Variants in MSRB3 observed in about 807,000 individuals in gnomAD.
MSRB3 encodes methionine-R-sulfoxide reductase B3.
A neutral mutation model predicts 21.0 loss-of-function variants in MSRB3; 13 were observed. The observed-to-expected ratio is 0.62, with a 90% CI of 0.40 to 0.98. The LOEUF (loss-of-function observed/expected upper bound fraction) is 0.98, where lower values mean the gene tolerates loss of function less well. Among genes scored for constraint, MSRB3 ranks in the 50% least tolerant of loss-of-function variants. The pLI is 0.00. For synonymous variants in MSRB3, 87 were observed against 88.6 expected (o/e 0.98, Z 0.10); for missense variants, 199 against 230.3 (o/e 0.86, Z 0.88).
chr12:65,446,640 G>A (rs554614010), intron 5 of MSRB3, among the ~76,000 whole-genome samples: 1 of 152,256 alleles, frequency 6.6e-6, no homozygotes, highest in South Asian at 2.1e-4. Flanking sequence ...AAGAGGAGGA[G>A]TAGGAGGAGT....
At chr12:65,375,474 A>G (rs12302075) in intron 5 of MSRB3, among the ~76,000 whole-genome samples, 6,697 of 151,898 alleles carry the variant, frequency 0.044, 495 homozygotes, top group African/African-American at 0.15. Flanking sequence ...CAGGGTCTCT[A>G]TTGCCCAGGC....
chr12:65,308,678 A>G (rs768610003), intron 2 of MSRB3, 23 bp downstream of exon 2: 2 of 1,613,840 alleles, frequency 1.2e-6, no homozygotes, highest in South Asian at 1.1e-5. Flanking sequence ...TGTACTGTAC[A>G]TAGTGAAGGC....
At chr12:65,394,629 C>A (rs10784449) in intron 5 of MSRB3, among the ~76,000 whole-genome samples, 2 of 151,996 alleles carry the variant, frequency 1.3e-5, no homozygotes, top group East Asian at 1.9e-4. Flanking sequence ...ATCCAGACAA[C>A]GATCACAAGG....
intron 5 of MSRB3, among the ~76,000 whole-genome samples, chr12:65,422,409 TATATATATATATATA>T (rs1881359248): frequency 2.7e-5 from 1 of 37,262 alleles, no homozygotes; most frequent in Admixed American, 2.7e-4. Context: ...TATATATATA[TATATATATATATATA>T]TATATATTTA....
chr12:65,393,461 G>A (rs984858250), intron 5 of MSRB3, among the ~76,000 whole-genome samples: 15 of 151,806 alleles, frequency 9.9e-5, no homozygotes, highest in Non-Finnish European at 1.3e-4. Context: ...GTGAAACACC[G>A]TCTCTACCAA....
chr12:65,317,859 T>C (rs1187904329), intron 2 of MSRB3, among the ~76,000 whole-genome samples: 3 of 152,196 alleles, frequency 2.0e-5, no homozygotes, highest in African/African-American at 7.2e-5. Context: ...AAACATCTTT[T>C]AGAAAGAAGA....
intron 5 of MSRB3, among the ~76,000 whole-genome samples, chr12:65,452,094 A>C (rs1264259893): frequency 6.6e-6 from 1 of 152,166 alleles, no homozygotes; most frequent in Non-Finnish European, 1.5e-5. Flanking sequence ...CCTATTTTGA[A>C]CTCTAGAAAT....
chr12:65,456,132 A>C (rs1883081110), intron 6 of MSRB3, among the ~76,000 whole-genome samples: 1 of 152,214 alleles, frequency 6.6e-6, no homozygotes, highest in Non-Finnish European at 1.5e-5. Context: ...ATTAATTTGT[A>C]ACTTAGGTAC....
At chr12:65,326,984 C>G in intron 3 of MSRB3, 50 bp downstream of exon 3, 1 of 1,371,322 alleles carries the variant, frequency 7.3e-7, no homozygotes. Flanking sequence ...TTCTTCTCCC[C>G]CTGCCCTCTG....
At position 65,326,885 on chromosome 12, in the gene MSRB3, C is replaced by A. The variant is rs568898551; in HGVS notation, c.136C>A (p.Arg46=). ...CTTTTCCCAGCAGGAACTGAGGAAG[C>A]GGCTAACACCCCTGCAGTACCATGT... ...VVFSQQELRK[R]LTPLQYHVTQ... is the part of the protein sequence containing the mutation. The change falls in exon 3 of 7, where the codon CGG becomes AGG. Residue 46 remains arginine, a synonymous_variant. Transcript: ENST00000308259. 1 of 1,611,464 alleles carries A rather than the reference C, an allele frequency of 6.2e-7. No individual in the cohort carries two copies. The highest frequency in any genetic ancestry group is 8.5e-7 in the Non-Finnish European group (1 of 1,179,082).
At chr12:65,349,094 T>A (rs2136489521) in intron 4 of MSRB3, among the ~76,000 whole-genome samples, 1 of 152,016 alleles carries the variant, frequency 6.6e-6, no homozygotes, top group South Asian at 2.1e-4. Flanking sequence ...GAGTGTGATA[T>A]TCCCCTTCCT....
chr12:65,345,891 G>A (rs1052163683), intron 4 of MSRB3, among the ~76,000 whole-genome samples: 12 of 152,174 alleles, frequency 7.9e-5, no homozygotes, highest in Non-Finnish European at 1.5e-4. Flanking sequence ...CTTCATCCAC[G>A]TCCCTACAAA....
chr12:65,349,343 A>C (rs1876769341), intron 4 of MSRB3, among the ~76,000 whole-genome samples: 1 of 151,796 alleles, frequency 6.6e-6, no homozygotes, highest in South Asian at 2.1e-4. Flanking sequence ...AGTCTTTGCT[A>C]TTGTGAATAA....
At chr12:65,279,228 G>C (rs1871851280) in intron 1 of MSRB3, 1 of 356,934 alleles carries the variant, frequency 2.8e-6, no homozygotes, top group Admixed American at 5.1e-5. Context: ...CGGGAGGCAG[G>C]GGAGGGGTCC....
intron 5 of MSRB3, among the ~76,000 whole-genome samples, chr12:65,432,416 C>T (rs1881922079): frequency 6.6e-6 from 1 of 151,870 alleles, no homozygotes; most frequent in Admixed American, 6.6e-5. Context: ...GGGGGAAAAG[C>T]TTGATGGTTC....
chr12:65,361,123 A>G (rs1877673831), intron 4 of MSRB3, among the ~76,000 whole-genome samples: 1 of 152,052 alleles, frequency 6.6e-6, no homozygotes, highest in Non-Finnish European at 1.5e-5. Context: ...CAAGTATGAT[A>G]TTACTAATTG....
intron 1 of MSRB3, among the ~76,000 whole-genome samples, chr12:65,292,127 C>T (rs1034881932): frequency 1.3e-5 from 2 of 152,172 alleles, no homozygotes; most frequent in Non-Finnish European, 2.9e-5. Context: ...GTTGAAGCCA[C>T]TAATGGTGTT....
At chr12:65,290,917 A>G (rs1872629123) in intron 1 of MSRB3, among the ~76,000 whole-genome samples, 1 of 152,204 alleles carries the variant, frequency 6.6e-6, no homozygotes, top group South Asian at 2.1e-4. Context: ...AGGGGAAATA[A>G]AGTTTTTGAT....
At position 65,393,460 on chromosome 12, in the gene MSRB3, C is replaced by T. The variant is rs190440632; in HGVS notation, c.292+24434C>T. Among the ~76,000 whole-genome samples, 994 of 151,790 alleles carry T rather than the reference C, an allele frequency of 6.5e-3. 4 individuals carry two copies. Among genetic ancestry groups the T allele is most frequent in the Non-Finnish European group, 9.4e-3 (639 of 67,908 alleles). On this transcript the variant is annotated intron_variant, in intron 5 of 6. Transcript: ENST00000308259. ...CATCCTGGCTAACACGGTGAAACAC[C>T]GTCTCTACCAAAAATACAAAAAATT...
Sources: gnomAD v4.1 joint callset for allele counts (sites outside exome capture counted in the v4.1 genomes callset) on GRCh38, gnomAD v4.1.1 for gene constraint, MANE v1.5 for transcripts, NCBI Gene and HGNC (gene_info 2026-07-23, HGNC 2026-07-21) for gene names.